Variants in SNTG1 observed in about 807,000 individuals in gnomAD.
SNTG1 encodes syntrophin gamma 1, also known as gamma-1-syntrophin.
SNTG1 carries 39 observed loss-of-function variants against 74.7 expected under a neutral mutation model. That is an observed-to-expected ratio of 0.52 (90% CI 0.40 to 0.68). The LOEUF is 0.68. Ranked by LOEUF, SNTG1 falls within the 30% of genes least tolerant of loss-of-function variation. The pLI is 0.00. For synonymous variants in SNTG1, 254 were observed against 217.1 expected (o/e 1.17, Z -1.49); for missense variants, 685 against 609.5 (o/e 1.12, Z -1.30).
rs1433777478 is a variant in SNTG1, at chr8:50,185,792, A to G, written c.-28+13157A>G. Among the ~76,000 whole-genome samples, 3 of 151,930 alleles carry G rather than the reference A, an allele frequency of 2.0e-5. No homozygotes were observed. The East Asian group carries it at 5.8e-4, about 29-fold the overall frequency. ...AATTCATTTTTTTCTATATTATACAATGGAAGATAATATAACACTATTGTT... is the reference window on the plus strand; with the variant it reads ...AATTCATTTTTTTCTATATTATACAGTGGAAGATAATATAACACTATTGTT... On this transcript the variant is annotated intron_variant, in intron 2 of 18. Coordinates refer to ENST00000642720, the MANE Select transcript of SNTG1 (RefSeq NM_018967.5).
At chr8:50,258,410 A>G (rs1586868317) in intron 2 of SNTG1, among the ~76,000 whole-genome samples, 1 of 152,342 alleles carries the variant, frequency 6.6e-6, no homozygotes, top group Non-Finnish European at 1.5e-5. Context: ...CAAAGAGACA[A>G]GAAGGTGTCA....
rs541520973 is a variant in SNTG1, at chr8:50,762,696, C to T, written c.1395+10585C>T. 6.6e-5 allele frequency: 32 copies of T among 481,588 alleles called. No individual in the cohort carries two copies. The East Asian group carries it at 1.0e-3, about 15-fold the overall frequency. 29.8% of individuals were successfully genotyped at this position (481,588 alleles called of 1,614,324 possible). On this transcript the variant is annotated intron_variant, in intron 18 of 18. Coordinates refer to ENST00000642720, the MANE Select transcript of SNTG1 (RefSeq NM_018967.5). ...TGACCTGTCTTCTACCCGAAGAGAC[C>T]ATGGAGATTAGGCCCAGTCTTGTGC... is the stretch of plus-strand genomic sequence containing the variant.
At chr8:50,463,644 T>C (rs1203709191) in intron 8 of SNTG1, among the ~76,000 whole-genome samples, 1 of 152,178 alleles carries the variant, frequency 6.6e-6, no homozygotes, top group Admixed American at 6.5e-5. Context: ...TCATCTAGGC[T>C]TTGTTATTCT....
chr8:50,762,658 G>C (rs759853499), intron 18 of SNTG1: 26 of 457,406 alleles, frequency 5.7e-5, no homozygotes, highest in Non-Finnish European at 1.1e-4. Flanking sequence ...CTGTGTAAGA[G>C]AATCCAACAG....
At chr8:50,376,729 T>C (rs1314329803) in intron 2 of SNTG1, among the ~76,000 whole-genome samples, 2 of 100,614 alleles carry the variant, frequency 2.0e-5, no homozygotes, top group South Asian at 3.9e-4. Context: ...TATTAATAAA[T>C]TATATATATA....
chr8:50,755,950 A>G (rs1458830933), intron 18 of SNTG1, among the ~76,000 whole-genome samples: 1 of 151,272 alleles, frequency 6.6e-6, no homozygotes, highest in African/African-American at 2.4e-5. Flanking sequence ...TAATATTTTC[A>G]TACGCTAATT....
chr8:50,585,698 A>G (rs2094643779), intron 12 of SNTG1, among the ~76,000 whole-genome samples: 1 of 152,082 alleles, frequency 6.6e-6, no homozygotes, highest in South Asian at 2.1e-4. Context: ...ATTTTTTAAT[A>G]TTTGACTGTA....
At chr8:50,668,186 C>T (rs2095259836) in intron 15 of SNTG1, among the ~76,000 whole-genome samples, 1 of 151,866 alleles carries the variant, frequency 6.6e-6, no homozygotes, top group Non-Finnish European at 1.5e-5. Flanking sequence ...TTTTTGTTAT[C>T]TAATAACATT....
At chr8:50,318,428 C>T (rs541595573) in intron 2 of SNTG1, among the ~76,000 whole-genome samples, 3 of 152,300 alleles carry the variant, frequency 2.0e-5, no homozygotes, top group African/African-American at 4.8e-5. Context: ...CCTAAAGCTC[C>T]ATCTGTTGAA....
chr8:50,490,081 A>G (rs928547854), intron 8 of SNTG1, among the ~76,000 whole-genome samples: 1 of 152,176 alleles, frequency 6.6e-6, no homozygotes, highest in African/African-American at 2.4e-5. Context: ...AGATGGTTGT[A>G]GATGTGTAGC....
chr8:50,252,841 T>C (rs1386222238), intron 2 of SNTG1, among the ~76,000 whole-genome samples: 1 of 152,108 alleles, frequency 6.6e-6, no homozygotes, highest in African/African-American at 2.4e-5. Flanking sequence ...ACATGAGATT[T>C]GAAGGGGACA....
At chr8:49,921,499 G>A (rs1334867157) in intron 1 of SNTG1, among the ~76,000 whole-genome samples, 1 of 152,134 alleles carries the variant, frequency 6.6e-6, no homozygotes, top group Non-Finnish European at 1.5e-5. Context: ...ATTCTAGGAA[G>A]ATAGTAGGGA....
chr8:50,629,860 C>T (rs572252609), intron 13 of SNTG1, among the ~76,000 whole-genome samples: 24 of 152,152 alleles, frequency 1.6e-4, no homozygotes, highest in Admixed American at 5.9e-4. Flanking sequence ...ACTATAGGGA[C>T]GACCAATTGT....
intron 2 of SNTG1, among the ~76,000 whole-genome samples, chr8:50,214,730 C>A (rs1207970645): frequency 2.0e-5 from 3 of 152,074 alleles, no homozygotes; most frequent in Non-Finnish European, 4.4e-5. Context: ...TGGGATCTGG[C>A]AAGGCCTTTT....
intron 15 of SNTG1, among the ~76,000 whole-genome samples, chr8:50,688,118 G>A (rs2095360921): frequency 6.6e-6 from 1 of 151,918 alleles, no homozygotes; most frequent in Non-Finnish European, 1.5e-5. Context: ...TTTTTTTCTT[G>A]TAAATTTGTT....
chr8:50,460,898 C>T (rs1301247469), intron 8 of SNTG1, among the ~76,000 whole-genome samples: 2 of 151,982 alleles, frequency 1.3e-5, no homozygotes, highest in African/African-American at 2.4e-5. Flanking sequence ...ACATATTTCC[C>T]TAATATTAAT....
At chr8:50,656,201 A>G (rs1216369019) in intron 13 of SNTG1, among the ~76,000 whole-genome samples, 1 of 152,196 alleles carries the variant, frequency 6.6e-6, no homozygotes, top group Non-Finnish European at 1.5e-5. Flanking sequence ...GAAATGTCAT[A>G]CTTATTTGTT....
chr8:50,159,084 G>T (rs951305813), intron 1 of SNTG1, among the ~76,000 whole-genome samples: 1 of 151,868 alleles, frequency 6.6e-6, no homozygotes, highest in African/African-American at 2.4e-5. Context: ...TTTGATGACC[G>T]GCCGTTTGGG....
At chr8:50,717,853 G>A (rs2095478603) in intron 17 of SNTG1, among the ~76,000 whole-genome samples, 2 of 152,180 alleles carry the variant, frequency 1.3e-5, no homozygotes, top group South Asian at 2.1e-4. Flanking sequence ...CTGTGGGATA[G>A]TCCCACCCAC....
Sources: gnomAD v4.1 joint callset for allele counts (sites outside exome capture counted in the v4.1 genomes callset) on GRCh38, gnomAD v4.1.1 for gene constraint, MANE v1.5 for transcripts, NCBI Gene and HGNC (gene_info 2026-07-23, HGNC 2026-07-21) for gene names.